The following PLA2G4E variants were observed in gnomAD, a reference collection of about 807,000 sequenced individuals.
PLA2G4E encodes the protein phospholipase A2 group IVE.
A neutral mutation model predicts 109.1 loss-of-function variants in PLA2G4E; 84 were observed. The ratio of observed to expected loss-of-function variants is 0.77; its 90% confidence interval spans 0.65 to 0.92. The LOEUF (loss-of-function observed/expected upper bound fraction) is 0.92, where lower values mean the gene tolerates loss of function less well. Ranked by LOEUF, PLA2G4E falls within the 40% of genes least tolerant of loss-of-function variation. The pLI, the probability that PLA2G4E is intolerant of heterozygous loss-of-function variation, is 0.00. For synonymous variants in PLA2G4E, 469 were observed against 436.1 expected, an observed-to-expected ratio of 1.08 and a Z score of -0.94; for missense variants, 1,057 against 1,076.6, an observed-to-expected ratio of 0.98 and a Z score of 0.25.
At chr15:41,989,118 C>A (rs1460950831) in intron 15 of PLA2G4E, among the ~76,000 whole-genome samples, 1 of 152,122 alleles carries the variant, frequency 6.6e-6, no homozygotes, top group Non-Finnish European at 1.5e-5. Context: ...CTGGGTTGGC[C>A]CCTGGAAGCA....
intron 1 of PLA2G4E, among the ~76,000 whole-genome samples, chr15:42,033,293 C>A (rs1019632435): frequency 6.6e-6 from 1 of 152,112 alleles, no homozygotes; most frequent in Non-Finnish European, 1.5e-5. Flanking sequence ...AGCCTTGGCC[C>A]TGCTTGCCCT....
intron 1 of PLA2G4E, among the ~76,000 whole-genome samples, chr15:42,038,541 C>T (rs1889258298): frequency 6.6e-6 from 1 of 152,168 alleles, no homozygotes. Flanking sequence ...TGTTTGCACT[C>T]CTATGAGGAT....
chr15:42,002,614 C>G (rs370101952), intron 6 of PLA2G4E, 40 bp downstream of exon 6: 1 of 1,550,556 alleles, frequency 6.4e-7, no homozygotes, highest in Non-Finnish European at 8.8e-7. Context: ...AGCAGCCAGC[C>G]GTGGCCTCTG....
intron 1 of PLA2G4E, among the ~76,000 whole-genome samples, chr15:42,031,992 G>A (rs759358654): frequency 1.8e-4 from 28 of 152,164 alleles, no homozygotes; most frequent in Non-Finnish European, 4.1e-4. Flanking sequence ...TGGTCCTTCT[G>A]GTGGTAATGA....
intron 1 of PLA2G4E, among the ~76,000 whole-genome samples, chr15:42,030,924 T>C (rs76405260): frequency 0.017 from 2,605 of 152,350 alleles, 79 homozygotes; most frequent in African/African-American, 0.06. Flanking sequence ...GTAAAATTAT[T>C]ACAATTTGTT....
intron 1 of PLA2G4E, among the ~76,000 whole-genome samples, chr15:42,034,281 G>A (rs1011048798): frequency 2.6e-5 from 4 of 152,144 alleles, no homozygotes; most frequent in Non-Finnish European, 5.9e-5. Context: ...TGCCAGACCC[G>A]GAGTACTCCT....
intron 14 of PLA2G4E, 36 bp from the exon 15 acceptor site, chr15:41,989,588 G>T: frequency 6.3e-7 from 1 of 1,596,694 alleles, no homozygotes; most frequent in Non-Finnish European, 8.6e-7. Context: ...GTCAGTCTCA[G>T]GCCAGGGAGC....
chr15:42,022,980 G>C (rs2068660976), intron 1 of PLA2G4E, among the ~76,000 whole-genome samples: 1 of 152,128 alleles, frequency 6.6e-6, no homozygotes, highest in Non-Finnish European at 1.5e-5. Context: ...GATTTCAACA[G>C]CTAGTGAGCC....
intron 1 of PLA2G4E, among the ~76,000 whole-genome samples, chr15:42,034,260 C>A (rs1889168945): frequency 6.6e-6 from 1 of 152,202 alleles, no homozygotes; most frequent in Non-Finnish European, 1.5e-5. Flanking sequence ...GAAGTAGAGA[C>A]ATACCTGGTA....
At chr15:41,984,409 TG>T (rs945676039) in intron 19 of PLA2G4E, 26 bp downstream of exon 19, 8 of 1,592,880 alleles carry the variant, frequency 5.0e-6, no homozygotes, top group Non-Finnish European at 6.9e-6. Context: ...CAGCAGGTGC[TG>T]GGAACTGAGC....
chr15:42,031,087 C>T (rs2141071128), intron 1 of PLA2G4E, among the ~76,000 whole-genome samples: 2 of 152,242 alleles, frequency 1.3e-5, no homozygotes, highest in Non-Finnish European at 2.9e-5. Context: ...CTCACTTCAG[C>T]CTCCTGAGTA....
intron 1 of PLA2G4E, among the ~76,000 whole-genome samples, chr15:42,029,748 T>C (rs1164117682): frequency 6.6e-6 from 1 of 152,138 alleles, no homozygotes; most frequent in African/African-American, 2.4e-5. Context: ...AGCATAACAG[T>C]TTCTACCTCA....
intron 17 of PLA2G4E, among the ~76,000 whole-genome samples, chr15:41,986,252 T>C (rs896779147): frequency 9.9e-5 from 15 of 152,180 alleles, no homozygotes; most frequent in African/African-American, 3.6e-4. Flanking sequence ...CCATAAATAG[T>C]GTAAACCCTG....
chr15:42,000,343 G>T, intron 7 of PLA2G4E, 61 bp from the exon 8 acceptor site: 2 of 1,459,248 alleles, frequency 1.4e-6, no homozygotes, highest in Non-Finnish European at 1.8e-6. Flanking sequence ...CTGCAACTTG[G>T]TCCAGCAAAA....
intron 1 of PLA2G4E, among the ~76,000 whole-genome samples, chr15:42,050,095 TGACAG>T (rs1889482506): frequency 6.6e-6 from 1 of 152,234 alleles, no homozygotes; most frequent in Non-Finnish European, 1.5e-5. Context: ...AGAGCCTATG[TGACAG>T]GCACTCTGCC....
chr15:42,001,193 G>A lies in PLA2G4E; in HGVS notation c.637C>T (p.His213Tyr), dbSNP rs59021651. 2.8e-3 allele frequency: 4,583 copies of A among 1,613,748 alleles called. 121 individuals carry two copies. The African/African-American group carries it at 0.053, about 19-fold the overall frequency. Residue 213 changes from histidine (H) to tyrosine (Y), a missense_variant, in exon 7 of 20, where the codon CAT (histidine) becomes TAT (tyrosine). His to Tyr is a moderately conservative substitution (Grantham distance 83). Transcript: ENST00000399518. ...TTCCTCCGCCTCCTGGATTGTGCAT[G>A]AACCTCCAGGCAGGAGACTTGTCGA...
In PLA2G4E at chr15:41,986,073, G is replaced by C. The variant is rs912794863; in HGVS notation, c.2036-68C>G. ...GACAGCCAATGGACAGAGGCACTTGGGGGGACGGAGCGCCCTGTCTGGAGC... is the reference window on the plus strand; with the variant it reads ...GACAGCCAATGGACAGAGGCACTTGCGGGGACGGAGCGCCCTGTCTGGAGC... On this transcript the variant is annotated intron_variant, in intron 17 of 19. Transcript: ENST00000399518. The C allele has an allele frequency of 6.7e-6, 10 of 1,502,022 alleles. No homozygotes were observed. The East Asian group carries it at 7.4e-5, about 11-fold the overall frequency. 93.0% of individuals were successfully genotyped at this position (1,502,022 alleles called of 1,614,324 possible).
chr15:41,999,513 G>T lies in PLA2G4E; in HGVS notation c.974+11C>A. The T allele has an allele frequency of 1.9e-6, 3 of 1,579,516 alleles. No individual in the cohort carries two copies. The highest frequency in any genetic ancestry group is 2.6e-6 in the Non-Finnish European group (3 of 1,149,000). The stretch of plus-strand genomic sequence containing the variant: ...TAAGTGAGAGGCACGGACAGAATGC[G>T]GGTACTATACCAGGGTGTAGACTTC... On this transcript the variant is annotated intron_variant, in intron 10 of 19. Transcript: ENST00000399518.
chr15:41,999,937 G>C, exon 9 of PLA2G4E: 4 of 1,610,792 alleles, frequency 2.5e-6, no homozygotes, highest in Non-Finnish European at 3.4e-6. Flanking sequence ...GTCATCACCT[G>C]ACCATCGGAA....
Sources: gnomAD v4.1 joint callset for allele counts (sites outside exome capture counted in the v4.1 genomes callset) on GRCh38, gnomAD v4.1.1 for gene constraint, MANE v1.5 for transcripts, NCBI Gene and HGNC (gene_info 2026-07-23, HGNC 2026-07-21) for gene names.